Variants in COL6A6 observed in about 807,000 individuals in gnomAD.
COL6A6 encodes the protein collagen type VI alpha 6 chain, also known as collagen alpha-6(VI) chain.
A neutral mutation model predicts 208.6 loss-of-function variants in COL6A6; 183 were observed. The observed-to-expected ratio is 0.88, with a 90% CI of 0.78 to 0.99. The LOEUF (loss-of-function observed/expected upper bound fraction) is 0.99, where lower values mean the gene tolerates loss of function less well. Ranked by LOEUF, COL6A6 falls within the 50% of genes least tolerant of loss-of-function variation. The pLI is 0.00. For missense variants in COL6A6, 2,816 were observed against 2,815.2 expected, an observed-to-expected ratio of 1.00 and a Z score of -0.01; for synonymous variants, 973 against 1,011.8, an observed-to-expected ratio of 0.96 and a Z score of 0.73.
At chr3:130,526,254 A>G (rs1357542764) in intron 1 of COL6A6, among the ~76,000 whole-genome samples, 1 of 152,074 alleles carries the variant, frequency 6.6e-6, no homozygotes, top group Admixed American at 6.6e-5. Context: ...GGAGGAGAAT[A>G]TGAGTCCCTC....
chr3:130,619,798 A>G (rs988670418), intron 23 of COL6A6, among the ~76,000 whole-genome samples: 3 of 152,146 alleles, frequency 2.0e-5, no homozygotes, highest in Non-Finnish European at 4.4e-5. Flanking sequence ...GATAATTCTC[A>G]GGTTTCTGGC....
intron 2 of COL6A6, 120 bp downstream of exon 2, chr3:130,560,548 G>C: frequency 1.3e-6 from 1 of 771,798 alleles, no homozygotes; most frequent in Non-Finnish European, 2.0e-6. Flanking sequence ...ATGGTAGTGA[G>C]ATTAAGGGCG....
chr3:130,588,203 ACAAT>A (rs1024639658), intron 11 of COL6A6, among the ~76,000 whole-genome samples: 6 of 152,240 alleles, frequency 3.9e-5, no homozygotes, highest in East Asian at 1.9e-4. Flanking sequence ...ATAGTAGGAA[ACAAT>A]CAAAGGGAGA....
At chr3:130,576,004 C>G (rs1193495030) in intron 8 of COL6A6, among the ~76,000 whole-genome samples, 1 of 152,110 alleles carries the variant, frequency 6.6e-6, no homozygotes. Flanking sequence ...GCTGAGGTTT[C>G]TCTGTCCCCT....
intron 24 of COL6A6, among the ~76,000 whole-genome samples, chr3:130,622,436 A>G (rs1443524893): frequency 6.6e-6 from 1 of 152,166 alleles, no homozygotes; most frequent in Non-Finnish European, 1.5e-5. Context: ...TATATATGAC[A>G]TGAAACCAAC....
intron 32 of COL6A6, 138 bp downstream of exon 32, chr3:130,645,140 G>T: frequency 1.3e-6 from 1 of 797,922 alleles, no homozygotes; most frequent in Middle Eastern, 2.3e-4. Flanking sequence ...CCTCATACTG[G>T]TAGCAGAGTC....
At chr3:130,523,496 T>A (rs1711203451) in intron 1 of COL6A6, among the ~76,000 whole-genome samples, 1 of 152,190 alleles carries the variant, frequency 6.6e-6, no homozygotes, top group Admixed American at 6.5e-5. Flanking sequence ...ACCTAACTTA[T>A]CTGAACTTCA....
intron 1 of COL6A6, among the ~76,000 whole-genome samples, chr3:130,546,229 T>A (rs1394396519): frequency 1.3e-5 from 2 of 151,654 alleles, no homozygotes; most frequent in Non-Finnish European, 2.9e-5. Flanking sequence ...GTGTTTGGAG[T>A]TTTTTCCTTC....
chr3:130,666,032 T>G (rs2066066609), intron 36 of COL6A6, among the ~76,000 whole-genome samples: 1 of 152,170 alleles, frequency 6.6e-6, no homozygotes, highest in Non-Finnish European at 1.5e-5. Flanking sequence ...AATCCAAGTC[T>G]AATAATGAGG....
chr3:130,567,333 C>G lies in COL6A6; in HGVS notation c.1843+71C>G, dbSNP rs114874533. On this transcript the variant is annotated intron_variant, in intron 5 of 36. Transcript: ENST00000358511. The stretch of plus-strand genomic sequence containing the variant: ...GCTATCCTGGCAATAATTGACATTG[C>G]TGGTTTAGAAAAACAACATAAATTA... 2.0e-3 allele frequency: 2,371 copies of G among 1,193,844 alleles called. 32 individuals carry two copies. In the African/African-American group the frequency reaches 0.031, roughly 16 times the overall value. 74.0% of individuals were successfully genotyped at this position (1,193,844 alleles called of 1,614,324 possible).
At chr3:130,538,631 T>A (rs1245602397) in intron 1 of COL6A6, among the ~76,000 whole-genome samples, 1 of 152,224 alleles carries the variant, frequency 6.6e-6, no homozygotes, top group Non-Finnish European at 1.5e-5. Flanking sequence ...ACTTGCCTAG[T>A]CATGCAGTTT....
chr3:130,675,563 T>C lies in COL6A6; in HGVS notation c.*166T>C, dbSNP rs1043584332. On this transcript the variant is annotated 3_prime_UTR_variant, in exon 37 of 37. Coordinates refer to ENST00000358511, the MANE Select transcript of COL6A6 (RefSeq NM_001102608.3). ...ATATCTTGTTCATTTATTTGACCAC[T>C]CCTGACAATTCCAGCACTCTACGAC... 1 of 523,150 alleles carries C rather than the reference T, an allele frequency of 1.9e-6. No individual in the cohort carries two copies. The highest frequency in any genetic ancestry group is 1.9e-5 in the African/African-American group (1 of 52,940). The allele number at this position is 523,150 out of a possible 1,614,324, so 32.4% of individuals were successfully genotyped here. A position where few individuals can be genotyped will look rare whatever the true frequency, so the allele number is the denominator to read the frequency against.
intron 24 of COL6A6, among the ~76,000 whole-genome samples, chr3:130,623,672 C>G (rs564697962): frequency 1.3e-5 from 2 of 152,160 alleles, no homozygotes; most frequent in Non-Finnish European, 2.9e-5. Context: ...AACCCTATCA[C>G]AGACATAGGA....
At chr3:130,523,596 G>C (rs1220189974) in intron 1 of COL6A6, among the ~76,000 whole-genome samples, 2 of 152,178 alleles carry the variant, frequency 1.3e-5, no homozygotes, top group Non-Finnish European at 1.5e-5. Context: ...TGACACCTAA[G>C]TTGGTGCTCA....
chr3:130,613,481 G>A (rs899354528), intron 23 of COL6A6, among the ~76,000 whole-genome samples: 2 of 152,256 alleles, frequency 1.3e-5, no homozygotes, highest in South Asian at 2.1e-4. Context: ...GCTTAGGATT[G>A]TCTTAGCTAT....
intron 26 of COL6A6, 66 bp downstream of exon 26, chr3:130,627,435 C>T (rs2108299309): frequency 7.0e-7 from 1 of 1,429,896 alleles, no homozygotes; most frequent in Non-Finnish European, 9.9e-7. Context: ...TTGTTTGCCA[C>T]ATTTAAGAGA....
intron 23 of COL6A6, among the ~76,000 whole-genome samples, chr3:130,619,889 A>C (rs1480570298): frequency 6.6e-6 from 1 of 152,172 alleles, no homozygotes; most frequent in Non-Finnish European, 1.5e-5. Flanking sequence ...TAGGGTAAAT[A>C]TGATTGTTTT....
intron 33 of COL6A6, among the ~76,000 whole-genome samples, chr3:130,652,145 T>A (rs1418578549): frequency 6.6e-6 from 1 of 152,234 alleles, no homozygotes; most frequent in Non-Finnish European, 1.5e-5. Flanking sequence ...GCTGATCTTC[T>A]AGTTTATTGG....
intron 12 of COL6A6, 100 bp from the exon 13 acceptor site, chr3:130,590,941 C>T (rs2063698941): frequency 5.9e-6 from 5 of 850,334 alleles, no homozygotes; most frequent in South Asian, 2.9e-5. Flanking sequence ...CAAACACTTA[C>T]TATTCCACAT....
Sources: gnomAD v4.1 joint callset for allele counts (sites outside exome capture counted in the v4.1 genomes callset) on GRCh38, gnomAD v4.1.1 for gene constraint, MANE v1.5 for transcripts, NCBI Gene and HGNC (gene_info 2026-07-23, HGNC 2026-07-21) for gene names.